CLEC12A: variants seen among roughly 807,000 people sequenced by gnomAD.
The protein encoded by CLEC12A is C-type lectin domain family 12 member A, also known as C-type lectin protein CLL-1.
In CLEC12A, 22 loss-of-function variants were observed where a neutral mutation model predicts 26.5. The ratio of observed to expected loss-of-function variants is 0.83; its 90% confidence interval spans 0.59 to 1.19. The LOEUF (loss-of-function observed/expected upper bound fraction) is 1.19. CLEC12A is among the 50% of genes most tolerant of loss of function. CLEC12A has a pLI of 0.00. For missense variants in CLEC12A, 353 were observed against 315.6 expected (o/e 1.12, Z -0.90); for synonymous variants, 119 against 101.9 (o/e 1.17, Z -1.01).
intron 5 of CLEC12A, chr12:9,983,452 T>C (rs1026342458): frequency 1.5e-6 from 1 of 684,512 alleles, no homozygotes; most frequent in East Asian, 2.7e-5. Flanking sequence ...CTGCTTATAA[T>C]GGGAAAAAAA....
At chr12:10,003,502 A>G in the CLEC12A span, among the ~76,000 whole-genome samples, 13 of 152,236 alleles carry the variant, frequency 8.5e-5, no homozygotes, top group African/African-American at 3.1e-4. Context: ...ATTTACATTA[A>G]TATTTGAAGA....
downstream of CLEC12A, among the ~76,000 whole-genome samples, chr12:9,987,538 G>A (rs1864795280): frequency 6.6e-6 from 1 of 152,150 alleles, no homozygotes; most frequent in Non-Finnish European, 1.5e-5. Context: ...AATTTTACTA[G>A]TTCCCATTCA....
intron 1 of CLEC12A, among the ~76,000 whole-genome samples, chr12:9,953,667 T>G (rs1863687692): frequency 6.7e-6 from 1 of 148,570 alleles, no homozygotes; most frequent in South Asian, 2.1e-4. Context: ...TACTGGGAAG[T>G]GAGGAGCCCC....
the CLEC12A span, among the ~76,000 whole-genome samples, chr12:10,002,281 TG>T: frequency 6.6e-6 from 1 of 152,208 alleles, no homozygotes; most frequent in Non-Finnish European, 1.5e-5. Flanking sequence ...CTAAATTGTC[TG>T]TTTTAAAGGA....
upstream of CLEC12A, among the ~76,000 whole-genome samples, chr12:9,968,476 G>T (rs1864020444): frequency 6.6e-6 from 1 of 152,118 alleles, no homozygotes. Flanking sequence ...GGGGTAACAA[G>T]GTGCTCAATA....
intron 1 of CLEC12A, among the ~76,000 whole-genome samples, chr12:9,961,524 A>G (rs1863828984): frequency 6.6e-6 from 1 of 152,248 alleles, no homozygotes; most frequent in East Asian, 1.9e-4. Context: ...GTATCAGATG[A>G]AAGAAACCTA....
At chr12:10,002,504 G>T in the CLEC12A span, among the ~76,000 whole-genome samples, 4 of 41,852 alleles carry the variant, frequency 9.6e-5, no homozygotes, top group East Asian at 1.2e-3. Context: ...GTGCAGTGGC[G>T]CGATCTCGGC....
the CLEC12A span, among the ~76,000 whole-genome samples, chr12:10,001,573 T>G: frequency 6.6e-6 from 1 of 152,208 alleles, no homozygotes; most frequent in South Asian, 2.1e-4. Context: ...AGACAGAGAC[T>G]CTCAGGGCCA....
chr12:10,001,948 T>C, the CLEC12A span, among the ~76,000 whole-genome samples: 14 of 151,516 alleles, frequency 9.2e-5, no homozygotes, highest in East Asian at 3.9e-4. Context: ...GGCGCCATCT[T>C]GGCTCACTGC....
chr12:10,001,903 T>G, the CLEC12A span, among the ~76,000 whole-genome samples: 4 of 140,814 alleles, frequency 2.8e-5, 1 homozygote, highest in South Asian at 6.7e-4. Context: ...TTTTTGAGAC[T>G]GAGTCTTGCT....
At chr12:9,994,925 G>A in intron 4 of CLEC12A, 1 of 1,261,134 alleles carries the variant, frequency 7.9e-7, no homozygotes, top group South Asian at 1.3e-5. Flanking sequence ...TAATATCAGA[G>A]ATAAAGGTGG....
intron 1 of CLEC12A, 40 bp from the exon 2 acceptor site, chr12:9,978,926 T>C: frequency 7.3e-7 from 1 of 1,366,888 alleles, no homozygotes; most frequent in Non-Finnish European, 1.0e-6. Context: ...ATGAAAGTTA[T>C]ACCATTTTTA....
At chr12:9,999,852 A>C (rs1392760585), downstream of CLEC12A, among the ~76,000 whole-genome samples, 1 of 152,212 alleles carries the variant, frequency 6.6e-6, no homozygotes, top group Non-Finnish European at 1.5e-5. Context: ...GATTTGATGA[A>C]ATCACTTCAT....
intron 1 of CLEC12A, among the ~76,000 whole-genome samples, chr12:9,962,840 G>T (rs1228526328): frequency 1.3e-5 from 2 of 152,186 alleles, no homozygotes; most frequent in African/African-American, 4.8e-5. Context: ...TCAGAGGCCT[G>T]ACATTCCTGT....
intron 1 of CLEC12A, among the ~76,000 whole-genome samples, chr12:9,962,253 C>CTTTTTTTTTTTTTTTTTTTTTTTTT (rs71049021): frequency 8.4e-6 from 1 of 119,228 alleles, no homozygotes; most frequent in Non-Finnish European, 1.8e-5. Context: ...CCGGTTTTTT[C>CTTTTTTTTTTTTTTTTTTTTTTTTT]TTTTTTTTTT....
At chr12:10,003,302 A>G in the CLEC12A span, among the ~76,000 whole-genome samples, 2 of 152,184 alleles carry the variant, frequency 1.3e-5, no homozygotes, top group Admixed American at 1.3e-4. Flanking sequence ...GCTTTTTTTT[A>G]AAGTTAATAA....
intron 1 of CLEC12A, among the ~76,000 whole-genome samples, chr12:9,961,005 C>T (rs1299188305): frequency 2.6e-5 from 4 of 152,178 alleles, no homozygotes; most frequent in Non-Finnish European, 1.5e-5. Context: ...GGAGGCCCTG[C>T]GAACATGCAC....
At chr12:9,972,164 C>G (rs1388790017) in intron 1 of CLEC12A, among the ~76,000 whole-genome samples, 4 of 151,692 alleles carry the variant, frequency 2.6e-5, no homozygotes, top group Non-Finnish European at 5.9e-5. Context: ...AAAATTTCTC[C>G]TACTTCTTTT....
upstream of CLEC12A, among the ~76,000 whole-genome samples, chr12:9,970,862 T>C (rs1864100667): frequency 6.6e-6 from 1 of 152,226 alleles, no homozygotes; most frequent in Admixed American, 6.5e-5. Flanking sequence ...TTTTGTAAAC[T>C]TTTAATGGCA....
Sources: allele counts gnomAD v4.1 joint callset (sites outside exome capture counted in the v4.1 genomes callset), GRCh38; gene constraint gnomAD v4.1.1; transcripts MANE v1.5; gene names NCBI Gene and HGNC (gene_info 2026-07-23, HGNC 2026-07-21).